The following BBS9 variants were observed in gnomAD, a reference collection of about 807,000 sequenced individuals.
The protein encoded by BBS9 is protein PTHB1.
A neutral mutation model predicts 117.7 loss-of-function variants in BBS9; 89 were observed. The ratio of observed to expected loss-of-function variants is 0.76; its 90% CI spans 0.64 to 0.90. The LOEUF is 0.90. BBS9 is among the 40% of genes least tolerant of loss of function. The pLI is 0.00. For missense variants in BBS9, 982 were observed against 1,042.2 expected (o/e 0.94, Z 0.80); for synonymous variants, 379 against 370.9 (o/e 1.02, Z -0.25).
At chr7:33,190,682 T>C (rs1336782826) in intron 5 of BBS9, among the ~76,000 whole-genome samples, 13 of 152,186 alleles carry the variant, frequency 8.5e-5, no homozygotes, top group Admixed American at 2.6e-4. Context: ...TTCTAGTCCA[T>C]GTAAAAGAGG....
intron 17 of BBS9, among the ~76,000 whole-genome samples, chr7:33,379,572 A>G (rs558550937): frequency 2.6e-5 from 4 of 152,198 alleles, no homozygotes; most frequent in Non-Finnish European, 5.9e-5. Context: ...ATTTACAGCT[A>G]TATTTGAAAT....
chr7:33,399,266 G>A (rs1323984918), intron 19 of BBS9, among the ~76,000 whole-genome samples: 1 of 151,412 alleles, frequency 6.6e-6, no homozygotes, highest in Admixed American at 6.6e-5. Flanking sequence ...TCTTATTCAT[G>A]AATAGACTAT....
At chr7:33,542,179 G>A (rs1852424641) in intron 21 of BBS9, among the ~76,000 whole-genome samples, 1 of 151,938 alleles carries the variant, frequency 6.6e-6, no homozygotes, top group Non-Finnish European at 1.5e-5. Flanking sequence ...CTGCCTCCTG[G>A]ATTCAAGCAG....
intron 21 of BBS9, among the ~76,000 whole-genome samples, chr7:33,555,227 A>G (rs556391292): frequency 6.6e-6 from 1 of 152,308 alleles, no homozygotes; most frequent in South Asian, 2.1e-4. Context: ...GAATGAATAA[A>G]CAAGCTTCTT....
At chr7:33,498,322 G>A (rs6979471) in intron 19 of BBS9, among the ~76,000 whole-genome samples, 38,186 of 151,790 alleles carry the variant, frequency 0.25, 5,315 homozygotes, top group African/African-American at 0.38. Flanking sequence ...TCTTTTATTC[G>A]CTTACTATTT....
intron 7 of BBS9, 148 bp from the exon 8 acceptor site, chr7:33,272,864 T>TAAA: frequency 1.2e-6 from 1 of 823,340 alleles, no homozygotes; most frequent in East Asian, 2.6e-5. Context: ...GTCATAGTGA[T>TAAA]AAAAAAAAGA....
At chr7:33,444,276 C>T (rs779790134) in intron 19 of BBS9, among the ~76,000 whole-genome samples, 21 of 152,094 alleles carry the variant, frequency 1.4e-4, no homozygotes, top group Non-Finnish European at 2.4e-4. Context: ...TAAACTGTTT[C>T]TTTATTGTCA....
At chr7:33,576,517 A>G (rs955351068) in intron 21 of BBS9, among the ~76,000 whole-genome samples, 34 of 152,218 alleles carry the variant, frequency 2.2e-4, no homozygotes, top group African/African-American at 7.0e-4. Context: ...GTCCCCATCA[A>G]GCTACCAATG....
chr7:33,518,532 A>T (rs903792048), intron 20 of BBS9, among the ~76,000 whole-genome samples: 1 of 152,008 alleles, frequency 6.6e-6, no homozygotes, highest in African/African-American at 2.4e-5. Context: ...TACAGGCGTG[A>T]GCCACCGCGC....
At chr7:33,623,346 A>G (rs1004417101) in intron 21 of BBS9, among the ~76,000 whole-genome samples, 1 of 152,174 alleles carries the variant, frequency 6.6e-6, no homozygotes, top group African/African-American at 2.4e-5. Flanking sequence ...ATTTTGTTGC[A>G]TCTACCAGAT....
chr7:33,482,235 A>G lies in BBS9; in HGVS notation c.2116-23228A>G, dbSNP rs181701157. Among the ~76,000 whole-genome samples the G allele has an allele frequency of 3.1e-3, 473 of 152,274 alleles. 6 individuals are homozygous for G. The South Asian group carries it at 0.034, about 11-fold the overall frequency. On this transcript the variant is annotated intron_variant, in intron 19 of 22. Coordinates refer to ENST00000242067, the MANE Select transcript of BBS9 (RefSeq NM_198428.3). ...AAGAATTAGGAAAATGGAGAAAAGG[A>G]CAGTTATGTTCAGGTGCTCACTGAG...
chr7:33,287,842 G>A (rs1022559319), intron 9 of BBS9, among the ~76,000 whole-genome samples: 1 of 152,158 alleles, frequency 6.6e-6, no homozygotes, highest in Middle Eastern at 3.2e-3. Context: ...TTTGAGAGAG[G>A]AGAAAGGAAG....
chr7:33,241,091 G>A (rs1295884841), intron 5 of BBS9, among the ~76,000 whole-genome samples: 1 of 150,656 alleles, frequency 6.6e-6, no homozygotes, highest in Non-Finnish European at 1.5e-5. Flanking sequence ...CTTACTTAAT[G>A]TAGCCTTCCT....
chr7:33,594,078 G>A (rs991785477), intron 21 of BBS9, among the ~76,000 whole-genome samples: 2 of 152,006 alleles, frequency 1.3e-5, no homozygotes, highest in African/African-American at 4.8e-5. Flanking sequence ...CTTAAATCCC[G>A]ACTCTCTGAC....
Position 33,479,282 on chromosome 7 carries a change from T to G in BBS9, c.2116-26181T>G, listed in dbSNP as rs1399030943. On this transcript the variant is annotated intron_variant, in intron 19 of 22. Coordinates refer to ENST00000242067, the MANE Select transcript of BBS9 (RefSeq NM_198428.3). Reference sequence around the variant, plus strand: ...TTTAGTAGTCCACAGTATCTATTTTTCCCATCTTTGTGTCCATGTGTCAGT... The same window carrying G: ...TTTAGTAGTCCACAGTATCTATTTTGCCCATCTTTGTGTCCATGTGTCAGT... Among the ~76,000 whole-genome samples the G allele has an allele frequency of 2.0e-5, 3 of 152,154 alleles. No homozygotes were observed. In the East Asian group the frequency reaches 5.8e-4, roughly 29 times the overall value.
At position 33,280,109 on chromosome 7, in the gene BBS9, G is replaced by C. The variant is rs566028336; in HGVS notation, c.1016+6153G>C. ...TTCTTCCTAGGCTAGGTCCACAATA[G>C]TCACTTATTTTAAATTTGTTACTTA... On this transcript the variant is annotated intron_variant, in intron 9 of 22. Transcript: ENST00000242067. Among the ~76,000 whole-genome samples the C allele has an allele frequency of 3.3e-5, 5 of 152,252 alleles. No homozygotes were observed. The East Asian group carries it at 7.7e-4, about 23-fold the overall frequency.
chr7:33,532,775 G>C (rs1194622260), intron 20 of BBS9, among the ~76,000 whole-genome samples: 1 of 152,204 alleles, frequency 6.6e-6, no homozygotes, highest in African/African-American at 2.4e-5. Flanking sequence ...TGATAAGTTT[G>C]AGGATGGAAT....
intron 9 of BBS9, among the ~76,000 whole-genome samples, chr7:33,303,742 C>T (rs1047539612): frequency 6.6e-6 from 1 of 152,060 alleles, no homozygotes; most frequent in Non-Finnish European, 1.5e-5. Flanking sequence ...CTCCTGACCT[C>T]GAGTGATCTG....
intron 5 of BBS9, among the ~76,000 whole-genome samples, chr7:33,204,161 T>TG (rs1464110095): frequency 8.3e-3 from 2 of 240 alleles, no homozygotes; most frequent in African/African-American, 0.031. Flanking sequence ...CCCAGCACTT[T>TG]GGGAGGCCAA....
Sources: allele counts gnomAD v4.1 joint callset (sites outside exome capture counted in the v4.1 genomes callset), GRCh38; gene constraint gnomAD v4.1.1; transcripts MANE v1.5; gene names NCBI Gene and HGNC (gene_info 2026-07-23, HGNC 2026-07-21).